The following TNFRSF10A variants were observed in gnomAD, a reference collection of about 807,000 sequenced individuals.
The protein encoded by TNFRSF10A is tumor necrosis factor receptor superfamily member 10A.
A neutral mutation model predicts 42.8 loss-of-function variants in TNFRSF10A; 44 were observed. The ratio of observed to expected loss-of-function variants is 1.03; its 90% CI spans 0.81 to 1.32. The LOEUF (loss-of-function observed/expected upper bound fraction) is 1.32, where lower values mean the gene tolerates loss of function less well. Among genes scored for constraint, TNFRSF10A ranks in the 40% most tolerant of loss-of-function variants. The pLI is 0.00. For synonymous variants in TNFRSF10A, 259 were observed against 234.2 expected (o/e 1.11, Z -0.97); for missense variants, 680 against 602.0 (o/e 1.13, Z -1.36).
intron 8 of TNFRSF10A, 66 bp from the exon 9 acceptor site, chr8:23,197,270 A>G: frequency 6.3e-7 from 1 of 1,589,448 alleles, no homozygotes; most frequent in Non-Finnish European, 8.6e-7. Flanking sequence ...ACTGACTCTG[A>G]CCATCAGCCA....
chr8:23,194,488 T>G (rs529506356), intron 9 of TNFRSF10A, among the ~76,000 whole-genome samples: 48 of 152,246 alleles, frequency 3.2e-4, no homozygotes, highest in Admixed American at 7.2e-4. Flanking sequence ...CACAAAAACT[T>G]AAGACTACAA....
At chr8:23,215,685 C>T (rs761848883) in intron 1 of TNFRSF10A, among the ~76,000 whole-genome samples, 21 of 152,224 alleles carry the variant, frequency 1.4e-4, no homozygotes, top group South Asian at 6.2e-4. Context: ...AATTGATTGG[C>T]ATAAAGTTAT....
Position 23,212,160 on chromosome 8 carries a change from GT to G in TNFRSF10A, c.358del (p.Thr120HisfsTer123). 6.2e-7 allele frequency: 1 copy of G among 1,613,944 alleles called. No homozygotes were observed. Among genetic ancestry groups the G allele is most frequent in the South Asian group, 1.1e-5 (1 of 91,080 alleles). On this transcript the variant is annotated frameshift_variant, in exon 2 of 10. Coordinates refer to ENST00000221132, the MANE Select transcript of TNFRSF10A (RefSeq NM_003844.4). LOFTEE classifies it high-confidence loss of function. ...TIKLHDQSIG[T>X]QQWEHSPLGE... ...CAAAGGGCTATGTTCCCATTGCTGT[GT>G]GCCAATTGATTGATCATGAAGTTTG...
intron 9 of TNFRSF10A, among the ~76,000 whole-genome samples, chr8:23,195,502 G>A (rs1471854903): frequency 2.0e-5 from 3 of 151,938 alleles, no homozygotes; most frequent in Admixed American, 2.0e-4. Context: ...CTTACATATG[G>A]TTAATAACAA....
intron 9 of TNFRSF10A, among the ~76,000 whole-genome samples, chr8:23,194,516 T>C (rs1249612708): frequency 6.6e-6 from 1 of 152,232 alleles, no homozygotes; most frequent in Admixed American, 6.5e-5. Context: ...CAAAACAAAA[T>C]GATCTTTGAG....
chr8:23,206,740 C>G (rs144580780), intron 2 of TNFRSF10A, among the ~76,000 whole-genome samples: 21 of 152,236 alleles, frequency 1.4e-4, no homozygotes, highest in South Asian at 6.2e-4. Flanking sequence ...TAAAAGAATA[C>G]TATGAAACCT....
intron 2 of TNFRSF10A, chr8:23,207,120 A>G (rs528156183): frequency 1.0e-5 from 6 of 578,470 alleles, no homozygotes; most frequent in South Asian, 7.2e-5. Context: ...CCACTATGCT[A>G]TCATCAAGCT....
At chr8:23,214,314 C>A (rs1049667988) in intron 1 of TNFRSF10A, among the ~76,000 whole-genome samples, 3 of 151,902 alleles carry the variant, frequency 2.0e-5, no homozygotes, top group Non-Finnish European at 4.4e-5. Flanking sequence ...GGTGAAAACC[C>A]GTCTCTATTA....
intron 2 of TNFRSF10A, chr8:23,207,022 G>T: frequency 2.4e-6 from 1 of 418,972 alleles, no homozygotes; most frequent in Non-Finnish European, 4.5e-6. Flanking sequence ...CCACTGCCAT[G>T]AAAAAAAGAA....
intron 1 of TNFRSF10A, among the ~76,000 whole-genome samples, chr8:23,215,917 C>T (rs1801172644): frequency 6.6e-6 from 1 of 151,588 alleles, no homozygotes; most frequent in Non-Finnish European, 1.5e-5. Flanking sequence ...CTCCTGGGTT[C>T]AAGCGATTCT....
At chr8:23,205,104 A>G (rs1800986070) in intron 2 of TNFRSF10A, among the ~76,000 whole-genome samples, 1 of 152,204 alleles carries the variant, frequency 6.6e-6, no homozygotes, top group African/African-American at 2.4e-5. Context: ...GAGAACAGAA[A>G]AACAACAGAG....
intron 1 of TNFRSF10A, chr8:23,224,381 C>T: frequency 4.9e-6 from 1 of 203,596 alleles, no homozygotes; most frequent in Non-Finnish European, 9.9e-6. Flanking sequence ...GAGAATGGCG[C>T]TCCCCTTCAC....
intron 1 of TNFRSF10A, among the ~76,000 whole-genome samples, chr8:23,216,244 T>G (rs551479837): frequency 1.3e-5 from 2 of 152,258 alleles, no homozygotes; most frequent in Admixed American, 6.5e-5. Context: ...ATGTTGTTAC[T>G]ACCTTTGAGT....
At chr8:23,224,299 C>CAAAAAAAAA (rs71208595) in intron 1 of TNFRSF10A, 1 of 101,608 alleles carries the variant, frequency 9.8e-6, no homozygotes, top group African/African-American at 4.0e-5. Flanking sequence ...GACTCCGTTT[C>CAAAAAAAAA]AAAAAAAAAA....
At chr8:23,198,730 T>C (rs115379250) in intron 8 of TNFRSF10A, among the ~76,000 whole-genome samples, 2,308 of 152,146 alleles carry the variant, frequency 0.015, 55 homozygotes, top group African/African-American at 0.053. Flanking sequence ...TGTGGGTACG[T>C]GCATGTGTGT....
chr8:23,199,080 G>A (rs1800868339), intron 8 of TNFRSF10A, among the ~76,000 whole-genome samples, 186 bp downstream of exon 8: 1 of 152,184 alleles, frequency 6.6e-6, no homozygotes. Context: ...GGACAGGACA[G>A]GGACTAAGAA....
At chr8:23,217,673 GA>G (rs1423115848) in intron 1 of TNFRSF10A, among the ~76,000 whole-genome samples, 1 of 152,098 alleles carries the variant, frequency 6.6e-6, no homozygotes, top group East Asian at 1.9e-4. Flanking sequence ...ACATGTCTAT[GA>G]AAGGCTGAGG....
At chr8:23,221,209 T>A (rs1801251579) in intron 1 of TNFRSF10A, among the ~76,000 whole-genome samples, 1 of 152,150 alleles carries the variant, frequency 6.6e-6, no homozygotes, top group South Asian at 2.1e-4. Context: ...GCATGTGATT[T>A]GTCCTCCCAC....
chr8:23,191,633 A>C lies in TNFRSF10A; in HGVS notation c.*61T>G, dbSNP rs1045270457. 19 of 1,475,002 alleles carry C rather than the reference A, an allele frequency of 1.3e-5. No individual in the cohort carries two copies. In the African/African-American group the frequency reaches 2.1e-4, roughly 17 times the overall value. 91.4% of individuals were successfully genotyped at this position (1,475,002 alleles called of 1,614,324 possible). A position where few individuals can be genotyped will look rare whatever the true frequency, so the allele number is the denominator to read the frequency against. The stretch of plus-strand genomic sequence containing the variant: ...ACTTTGTATACATGTTAAAAAAAAA[A>C]AAAACCTAATATGTATTAACTCCTA... On this transcript the variant is annotated 3_prime_UTR_variant, in exon 10 of 10. Transcript: ENST00000221132.
Sources: allele counts gnomAD v4.1 joint callset (sites outside exome capture counted in the v4.1 genomes callset), GRCh38; gene constraint gnomAD v4.1.1; transcripts MANE v1.5; gene names NCBI Gene and HGNC (gene_info 2026-07-23, HGNC 2026-07-21).